The following CCDC170 variants were observed in gnomAD, a reference collection of about 807,000 sequenced individuals.
The protein encoded by CCDC170 is coiled-coil domain containing 170.
In CCDC170, 69 loss-of-function variants were observed where a neutral mutation model predicts 72.6. The ratio of observed to expected loss-of-function variants is 0.95; its 90% CI spans 0.78 to 1.16. The LOEUF (loss-of-function observed/expected upper bound fraction) is 1.16. CCDC170 is among the 50% of genes most tolerant of loss of function. The pLI is 0.00. For missense variants in CCDC170, 852 were observed against 832.5 expected (o/e 1.02, Z -0.29); for synonymous variants, 300 against 303.9 (o/e 0.99, Z 0.13).
chr6:151,592,972 G>A, intron 7 of CCDC170, 135 bp from the exon 8 acceptor site: 1 of 891,148 alleles, frequency 1.1e-6, no homozygotes, highest in East Asian at 2.7e-5. Flanking sequence ...ATATGGGTCA[G>A]AGTCCGTGCT....
intron 7 of CCDC170, among the ~76,000 whole-genome samples, chr6:151,591,051 GA>G (rs146314715): frequency 0.016 from 2,425 of 152,220 alleles, 75 homozygotes; most frequent in African/African-American, 0.056. Context: ...GACTTATAAA[GA>G]AGAGATAAAA....
intron 1 of CCDC170, among the ~76,000 whole-genome samples, chr6:151,512,279 C>T (rs1782162068): frequency 6.6e-6 from 1 of 151,632 alleles, no homozygotes; most frequent in Admixed American, 6.6e-5. Context: ...CCTGCCTCAG[C>T]CTCCCGAGTA....
chr6:151,511,265 T>C (rs1186080381), intron 1 of CCDC170, among the ~76,000 whole-genome samples: 1 of 152,192 alleles, frequency 6.6e-6, no homozygotes, highest in Non-Finnish European at 1.5e-5. Flanking sequence ...TGAAATTCCA[T>C]CTATACTTGT....
chr6:151,554,336 C>T (rs1782939555), intron 5 of CCDC170, among the ~76,000 whole-genome samples: 1 of 152,126 alleles, frequency 6.6e-6, no homozygotes. Flanking sequence ...AGAATTAAAG[C>T]TAGGAAATAA....
intron 1 of CCDC170, among the ~76,000 whole-genome samples, chr6:151,525,346 G>C (rs1168127560): frequency 6.6e-6 from 1 of 152,178 alleles, no homozygotes; most frequent in East Asian, 1.9e-4. Flanking sequence ...TATACATCCA[G>C]ATGGCCTGAA....
At chr6:151,559,261 C>G (rs1482919838) in intron 5 of CCDC170, among the ~76,000 whole-genome samples, 1 of 152,100 alleles carries the variant, frequency 6.6e-6, no homozygotes, top group East Asian at 1.9e-4. Context: ...ATCCACCTGC[C>G]CTGACCTCCC....
At chr6:151,519,099 A>G (rs1782277125) in intron 1 of CCDC170, among the ~76,000 whole-genome samples, 1 of 152,176 alleles carries the variant, frequency 6.6e-6, no homozygotes, top group South Asian at 2.1e-4. Context: ...CAAATTCACC[A>G]GGGTGGGATT....
chr6:151,548,224 A>G (rs1782808074), intron 4 of CCDC170, 80 bp from the exon 5 acceptor site: 5 of 1,194,686 alleles, frequency 4.2e-6, no homozygotes, highest in Non-Finnish European at 5.6e-6. Flanking sequence ...ATGATAATGC[A>G]GTCTATAGAT....
intron 1 of CCDC170, among the ~76,000 whole-genome samples, chr6:151,503,207 T>G (rs529155654): frequency 6.6e-6 from 1 of 151,136 alleles, no homozygotes; most frequent in African/African-American, 2.4e-5. Flanking sequence ...GTGTGAGAAA[T>G]AGATTTTTAA....
intron 5 of CCDC170, among the ~76,000 whole-genome samples, chr6:151,568,873 A>C (rs1776177717): frequency 6.6e-6 from 1 of 152,206 alleles, no homozygotes; most frequent in African/African-American, 2.4e-5. Flanking sequence ...CTTTTGCTAT[A>C]TTATAATTGG....
At chr6:151,525,656 C>G (rs968886480) in intron 1 of CCDC170, among the ~76,000 whole-genome samples, 2 of 152,200 alleles carry the variant, frequency 1.3e-5, no homozygotes, top group Non-Finnish European at 2.9e-5. Context: ...ATCCCACCAC[C>G]CTTTGCTGAC....
chr6:151,610,497 C>T (rs1274379613), intron 9 of CCDC170, among the ~76,000 whole-genome samples: 1 of 152,172 alleles, frequency 6.6e-6, no homozygotes, highest in Non-Finnish European at 1.5e-5. Context: ...TTTGCCAAAG[C>T]ATGTGAGAGT....
intron 5 of CCDC170, among the ~76,000 whole-genome samples, chr6:151,567,651 G>A (rs1481280200): frequency 6.6e-6 from 1 of 152,202 alleles, no homozygotes; most frequent in African/African-American, 2.4e-5. Context: ...GGAAAGAAAT[G>A]GGTTCTGGAT....
At chr6:151,561,389 G>A (rs1776028541) in intron 5 of CCDC170, among the ~76,000 whole-genome samples, 1 of 151,896 alleles carries the variant, frequency 6.6e-6, no homozygotes, top group Non-Finnish European at 1.5e-5. Flanking sequence ...ACTCCTTTGA[G>A]CATTTCTTGT....
intron 8 of CCDC170, 89 bp downstream of exon 8, chr6:151,593,369 C>G (rs1044636104): frequency 7.4e-7 from 1 of 1,351,430 alleles, no homozygotes; most frequent in African/African-American, 1.5e-5. Flanking sequence ...ACCATGTTTA[C>G]CAGTGTAGCT....
At chr6:151,502,649 T>C (rs1373378205) in intron 1 of CCDC170, among the ~76,000 whole-genome samples, 4 of 152,356 alleles carry the variant, frequency 2.6e-5, no homozygotes, top group Non-Finnish European at 4.4e-5. Flanking sequence ...TGAAATCTTA[T>C]GAATGTTTGG....
At chr6:151,575,714 G>C (rs145836840) in intron 6 of CCDC170, among the ~76,000 whole-genome samples, 1 of 151,502 alleles carries the variant, frequency 6.6e-6, no homozygotes, top group Non-Finnish European at 1.5e-5. Context: ...ATTTTTAGTA[G>C]AGACGGGGTT....
intron 4 of CCDC170, among the ~76,000 whole-genome samples, chr6:151,547,626 C>G (rs1782798162): frequency 6.6e-6 from 1 of 152,052 alleles, no homozygotes; most frequent in Non-Finnish European, 1.5e-5. Flanking sequence ...AAATGCTGGC[C>G]CTGTCCTGAG....
intron 5 of CCDC170, among the ~76,000 whole-genome samples, chr6:151,567,996 G>A (rs1196649659): frequency 6.7e-6 from 1 of 148,374 alleles, no homozygotes. Flanking sequence ...CTGTACCCCA[G>A]CTACTCGGTA....
Sources: gnomAD v4.1 joint callset for allele counts (sites outside exome capture counted in the v4.1 genomes callset) on GRCh38, gnomAD v4.1.1 for gene constraint, MANE v1.5 for transcripts, NCBI Gene and HGNC (gene_info 2026-07-23, HGNC 2026-07-21) for gene names.